Variants in CA12 observed in about 807,000 individuals in gnomAD.
The protein encoded by CA12 is carbonate dehydratase XII.
A neutral mutation model predicts 46.8 loss-of-function variants in CA12; 36 were observed. That is an observed-to-expected ratio of 0.77 (90% CI 0.59 to 1.02). The LOEUF (loss-of-function observed/expected upper bound fraction) is 1.02, where lower values mean the gene tolerates loss of function less well. CA12 is among the 50% of genes least tolerant of loss of function. The probability of loss-of-function intolerance (pLI) is 0.00; values close to 1 mark genes in which losing one functional copy is unlikely to be tolerated. For missense variants in CA12, 436 were observed against 451.4 expected (o/e 0.97, Z 0.31); for synonymous variants, 202 against 187.0 (o/e 1.08, Z -0.65).
chr15:63,335,396 T>G (rs1020348152), intron 8 of CA12, among the ~76,000 whole-genome samples: 3 of 152,144 alleles, frequency 2.0e-5, no homozygotes, highest in Non-Finnish European at 2.9e-5. Context: ...TGTCCCAACC[T>G]GGCTAAACTT....
chr15:63,338,077 T>C (rs2039025623), intron 8 of CA12, among the ~76,000 whole-genome samples: 1 of 152,190 alleles, frequency 6.6e-6, no homozygotes, highest in African/African-American at 2.4e-5. Flanking sequence ...ATGCCCAGTT[T>C]CCAGCAGTGT....
chr15:63,335,416 C>T (rs981536453), intron 8 of CA12, among the ~76,000 whole-genome samples: 4 of 151,838 alleles, frequency 2.6e-5, no homozygotes, highest in African/African-American at 7.3e-5. Context: ...TCAGATCCTT[C>T]CCCAAAGTCC....
intron 2 of CA12, among the ~76,000 whole-genome samples, chr15:63,360,427 G>C (rs1279461018): frequency 6.6e-6 from 1 of 152,180 alleles, no homozygotes; most frequent in Admixed American, 6.5e-5. Context: ...ATCTAAGACT[G>C]TTTGTTACAT....
intron 2 of CA12, among the ~76,000 whole-genome samples, chr15:63,350,717 G>A (rs2039218579): frequency 6.6e-6 from 1 of 151,384 alleles, no homozygotes. Context: ...CCAGGGTGTA[G>A]GACCTGCATT....
chr15:63,331,872 G>T lies in CA12; in HGVS notation c.875-3742C>A, dbSNP rs1470356899. On this transcript the variant is annotated intron_variant, in intron 8 of 10. Coordinates refer to ENST00000178638, the MANE Select transcript of CA12 (RefSeq NM_001218.5). The surrounding 1 kb of genome is among the most constrained non-coding windows in gnomAD (Gnocchi z 5.3). ...TGAAGCCTCAAGCATAAACACAGAA[G>T]AGTCCAGCACGAGGAACAAGCACCT... 2 of 152,176 alleles carry T rather than the reference G, an allele frequency of 1.3e-5. No homozygotes were observed. The highest frequency in any genetic ancestry group is 2.9e-5 in the Non-Finnish European group (2 of 68,042). 9.4% of individuals were successfully genotyped at this position (152,176 alleles called of 1,614,324 possible). A position where few individuals can be genotyped will look rare whatever the true frequency, so the allele number is the denominator to read the frequency against.
chr15:63,346,456 G>T (rs1595781909), intron 3 of CA12, 74 bp downstream of exon 3: 1 of 1,034,290 alleles, frequency 9.7e-7, no homozygotes, highest in Non-Finnish European at 1.4e-6. Flanking sequence ...CTCCCTGCCA[G>T]ATGGAAAAGG....
intron 1 of CA12, among the ~76,000 whole-genome samples, chr15:63,377,887 G>A (rs983177245): frequency 6.6e-6 from 1 of 152,202 alleles, no homozygotes; most frequent in African/African-American, 2.4e-5. Flanking sequence ...TTTTGTAGGT[G>A]AGGAAATGAA....
At chr15:63,338,245 T>C (rs2039028986) in intron 8 of CA12, among the ~76,000 whole-genome samples, 1 of 152,234 alleles carries the variant, frequency 6.6e-6, no homozygotes, top group African/African-American at 2.4e-5. Context: ...TTATGCAAGC[T>C]CCAAGGAGGT....
chr15:63,345,557 G>C lies in CA12; in HGVS notation c.349C>G (p.Gln117Glu), dbSNP rs746668152. The C allele has an allele frequency of 6.2e-7, 1 of 1,613,468 alleles. No homozygotes were observed. The highest frequency in any genetic ancestry group is 1.7e-5 in the Admixed American group (1 of 60,032). Reference protein sequence around the residue: ...QGLQSRYSATQLHLHWGNPND... With the variant: ...QGLQSRYSATELHLHWGNPND... ...GGGTTCCCCCAGTGCAGGTGCAGCTGCGTGGCACTGTAGCGAGACTGGAGG... is the reference window on the plus strand; with the variant it reads ...GGGTTCCCCCAGTGCAGGTGCAGCTCCGTGGCACTGTAGCGAGACTGGAGG... The change falls in exon 4 of 11, where the codon CAG becomes GAG. Residue 117 changes from glutamine (Q) to glutamate (E), a missense_variant. Transcript: ENST00000178638. The surrounding 1 kb of genome is among the most constrained non-coding windows in gnomAD (Gnocchi z 4.3).
chr15:63,362,980 T>G (rs1416331145), intron 2 of CA12, among the ~76,000 whole-genome samples: 1 of 152,198 alleles, frequency 6.6e-6, no homozygotes, highest in Non-Finnish European at 1.5e-5. Flanking sequence ...GGCACATTTC[T>G]TTGCTTCTCT....
rs57210378 is a variant in CA12, at chr15:63,328,338, CTTTT to C, written c.875-212_875-209del. On this transcript the variant is annotated intron_variant, in intron 8 of 10. Transcript: ENST00000178638. This position sits in a 1 kb window ranked among gnomAD's most constrained non-coding sequence, Gnocchi z 5.9. The stretch of plus-strand genomic sequence containing the variant: ...ACTGCAATCCCTCCTTCCGATGCTC[CTTTT>C]TTTTTTTTTTTTGAGATGGAATCTC... Among the ~76,000 whole-genome samples, 1 of 140,402 alleles carries C rather than the reference CTTTT, an allele frequency of 7.1e-6. No homozygotes were observed. The highest frequency in any genetic ancestry group is 1.6e-5 in the Non-Finnish European group (1 of 64,480). 92.1% of individuals were successfully genotyped at this position (140,402 alleles called of 152,430 possible).
rs368908084 is a variant in CA12 at position 63,329,840 on chromosome 15, G to A, written c.875-1710C>T. Reference sequence around the variant, plus strand: ...GGTTTTGCTCACTGCCCCTTCTCCTGTCGTATGGCCCAAGTCTAGCTGATT... The same window carrying A: ...GGTTTTGCTCACTGCCCCTTCTCCTATCGTATGGCCCAAGTCTAGCTGATT... On this transcript the variant is annotated intron_variant, in intron 8 of 10. Coordinates refer to ENST00000178638, the MANE Select transcript of CA12 (RefSeq NM_001218.5). This position sits in a 1 kb window ranked among gnomAD's most constrained non-coding sequence, Gnocchi z 4.8. 1.5e-4 allele frequency among the ~76,000 whole-genome samples: 23 copies of A among 152,318 alleles called. No individual in the cohort carries two copies. Among genetic ancestry groups the A allele is most frequent in the African/African-American group, 5.5e-4 (23 of 41,570 alleles).
At chr15:63,347,523 G>T (rs1410295100) in intron 2 of CA12, among the ~76,000 whole-genome samples, 3 of 152,164 alleles carry the variant, frequency 2.0e-5, no homozygotes, top group Non-Finnish European at 2.9e-5. Flanking sequence ...CACACTATCA[G>T]TGAAGAGGAA....
At chr15:63,358,603 G>T (rs769693815) in intron 2 of CA12, among the ~76,000 whole-genome samples, 1 of 152,164 alleles carries the variant, frequency 6.6e-6, no homozygotes, top group African/African-American at 2.4e-5. Flanking sequence ...AGTGTGAAGC[G>T]GTAGGTGAGA....
intron 8 of CA12, among the ~76,000 whole-genome samples, chr15:63,332,365 A>G (rs1295350039): frequency 6.6e-6 from 1 of 152,240 alleles, no homozygotes; most frequent in Non-Finnish European, 1.5e-5. Context: ...ACCAGATTAC[A>G]TGGGGGAACT....
chr15:63,359,049 G>A (rs946477141), intron 2 of CA12, among the ~76,000 whole-genome samples: 7 of 151,906 alleles, frequency 4.6e-5, no homozygotes, highest in African/African-American at 1.5e-4. Context: ...CAGCTGTCAC[G>A]GTGGTTTTGT....
At chr15:63,369,590 A>C (rs2039476862) in intron 2 of CA12, among the ~76,000 whole-genome samples, 1 of 152,234 alleles carries the variant, frequency 6.6e-6, no homozygotes, top group African/African-American at 2.4e-5. Context: ...GGATGGGCTG[A>C]GAATTTGCAT....
chr15:63,369,564 T>G (rs2039476222), intron 2 of CA12, among the ~76,000 whole-genome samples: 2 of 152,152 alleles, frequency 1.3e-5, no homozygotes, highest in Non-Finnish European at 2.9e-5. Context: ...GAGTTTCTGG[T>G]TAGGAGGTAG....
rs1567040513 is a variant in CA12, at chr15:63,329,371, TG to T, written c.875-1242del. On this transcript the variant is annotated intron_variant, in intron 8 of 10. Transcript: ENST00000178638. This position sits in a 1 kb window ranked among gnomAD's most constrained non-coding sequence, Gnocchi z 4.8. ...CACAGTCAGCCTACTAGCCACCTCC[TG>T]GGGGGAAAATCACATGAGAATCCAT... Among the ~76,000 whole-genome samples the T allele has an allele frequency of 6.6e-6, 1 of 152,120 alleles. No homozygotes were observed. The highest frequency in any genetic ancestry group is 6.5e-5 in the Admixed American group (1 of 15,282).
Sources: gnomAD v4.1 joint callset for allele counts (sites outside exome capture counted in the v4.1 genomes callset) on GRCh38, gnomAD v4.1.1 for gene constraint, Gnocchi (gnomAD v3.1) non-coding constraint, MANE v1.5 for transcripts, NCBI Gene and HGNC (gene_info 2026-07-23, HGNC 2026-07-21) for gene names.